The following DMD variants were observed in gnomAD, a reference collection of about 807,000 sequenced individuals.
The protein encoded by DMD is mutant dystrophin.
DMD carries 63 observed loss-of-function variants against 330.1 expected under a neutral mutation model. That is an observed-to-expected ratio of 0.19 (90% confidence interval 0.16 to 0.24). The LOEUF (loss-of-function observed/expected upper bound fraction) is 0.24. DMD is among the 10% of genes least tolerant of loss of function. The pLI, the probability that DMD is intolerant of heterozygous loss-of-function variation, is 1.00. For synonymous variants in DMD, 1,223 were observed against 959.8 expected (o/e 1.27, Z -5.07); for missense variants, 3,344 against 2,684.1 (o/e 1.25, Z -5.43).
intron 45 of DMD, among the ~76,000 whole-genome samples, chrX:31,964,772 A>C (rs1383665377): frequency 9.0e-6 from 1 of 110,783 alleles, no homozygotes; most frequent in African/African-American, 3.3e-5. Context: ...CAATTGTTTC[A>C]ATTTTTCTAT....
chrX:31,515,201 T>G (rs2072069083), intron 55 of DMD, among the ~76,000 whole-genome samples: 1 of 111,733 alleles, frequency 8.9e-6, no homozygotes, highest in African/African-American at 3.2e-5. Context: ...CTTCTTTTTA[T>G]TATTAACCAT....
At chrX:32,218,039 T>C (rs996605782) in intron 43 of DMD, among the ~76,000 whole-genome samples, 2 of 111,579 alleles carry the variant, frequency 1.8e-5, no homozygotes, top group African/African-American at 6.5e-5. Flanking sequence ...ATACTACACA[T>C]GGAAAGAATA....
At chrX:32,435,467 C>G (rs6631579) in intron 29 of DMD, among the ~76,000 whole-genome samples, 31,426 of 105,734 alleles carry the variant, frequency 0.3, 4,074 homozygotes, top group East Asian at 0.75. Flanking sequence ...ATATTTTGCT[C>G]ACAAAAAAAA....
chrX:31,665,624 C>T lies in DMD; in HGVS notation c.7873-7480G>A, dbSNP rs139408444. Among the ~76,000 whole-genome samples, 983 of 111,457 alleles carry T rather than the reference C, an allele frequency of 8.8e-3. 7 individuals are homozygous for T. Among genetic ancestry groups the T allele is most frequent in the Non-Finnish European group, 0.014 (724 of 52,961 alleles). On this transcript the variant is annotated intron_variant, in intron 53 of 78. Coordinates refer to ENST00000357033, the MANE Select transcript of DMD (RefSeq NM_004006.3). ...ATTTAAGAAAATGGCCCTCATTTTC[C>T]GGCTTACTGAAAATGATTAATCTTT...
intron 2 of DMD, among the ~76,000 whole-genome samples, chrX:32,938,125 T>C (rs1423388911): frequency 3.6e-5 from 4 of 111,640 alleles, no homozygotes; most frequent in Non-Finnish European, 7.5e-5. Context: ...CGAAAACTAC[T>C]GATCTTTCCA....
intron 59 of DMD, among the ~76,000 whole-genome samples, chrX:31,448,109 T>G (rs1318754547): frequency 9.1e-6 from 1 of 110,154 alleles, no homozygotes; most frequent in Non-Finnish European, 1.9e-5. Context: ...AAGCTTTGAC[T>G]GGTGTGAGGT....
intron 44 of DMD, among the ~76,000 whole-genome samples, chrX:32,081,246 T>C (rs1367591530): frequency 8.9e-6 from 1 of 112,152 alleles, no homozygotes; most frequent in Non-Finnish European, 1.9e-5. Context: ...CATGACGAAA[T>C]TGGCTTCTCA....
At position 33,110,456 on chromosome X, in the gene DMD, T is replaced by C. The variant is rs1222449328; in HGVS notation, c.32-90256A>G. Among the ~76,000 whole-genome samples the C allele has an allele frequency of 7.2e-5, 8 of 111,332 alleles. No individual in the cohort carries two copies. The Admixed American group carries it at 7.8e-4, about 11-fold the overall frequency. ...TATTATATGCTATTAATACATTAGT[T>C]ATAAGCATAATAATTAATACAAATT... On this transcript the variant is annotated intron_variant, in intron 1 of 78. Coordinates refer to ENST00000357033, the MANE Select transcript of DMD (RefSeq NM_004006.3).
chrX:31,343,912 G>C lies in DMD; in HGVS notation c.9163+4644C>G, dbSNP rs768808697. Among the ~76,000 whole-genome samples, 9 of 109,758 alleles carry C rather than the reference G, an allele frequency of 8.2e-5. No homozygotes were observed. In the South Asian group the frequency reaches 3.6e-3, roughly 43 times the overall value. Reference sequence around the variant, plus strand: ...TTAAAACATATTTTTATTCATTGGTGGGGGGAAGCTGCTTTTATAGTAGCA... The same window carrying C: ...TTAAAACATATTTTTATTCATTGGTCGGGGGAAGCTGCTTTTATAGTAGCA... On this transcript the variant is annotated intron_variant, in intron 61 of 78. Transcript: ENST00000357033.
chrX:31,321,451 G>A (rs1237111291), intron 62 of DMD, among the ~76,000 whole-genome samples: 1 of 107,844 alleles, frequency 9.3e-6, no homozygotes, highest in Non-Finnish European at 1.9e-5. Context: ...CAAGCATGGT[G>A]GCAGGTGCCT....
chrX:32,236,945 A>G (rs765200713), intron 43 of DMD, among the ~76,000 whole-genome samples: 1 of 112,142 alleles, frequency 8.9e-6, no homozygotes, highest in African/African-American at 3.2e-5. Context: ...ATTGATAGGT[A>G]AATATTTTTC....
chrX:32,002,454 T>A (rs930683405), intron 44 of DMD, among the ~76,000 whole-genome samples: 1 of 111,624 alleles, frequency 9.0e-6, no homozygotes, highest in Non-Finnish European at 1.9e-5. Flanking sequence ...CTCACCAAGG[T>A]TATGAAGGTA....
At chrX:32,714,648 C>T (rs936927890) in intron 7 of DMD, among the ~76,000 whole-genome samples, 2 of 111,556 alleles carry the variant, frequency 1.8e-5, no homozygotes, top group Non-Finnish European at 3.8e-5. Context: ...TTTCAATGTA[C>T]AAACTAACTT....
chrX:31,732,240 A>T (rs1418306556), intron 51 of DMD, among the ~76,000 whole-genome samples: 1 of 111,832 alleles, frequency 8.9e-6, no homozygotes, highest in African/African-American at 3.2e-5. Flanking sequence ...CAACACATAC[A>T]AACATTCATT....
intron 9 of DMD, among the ~76,000 whole-genome samples, chrX:32,686,782 A>C (rs2062916813): frequency 9.0e-6 from 1 of 111,031 alleles, no homozygotes; most frequent in Admixed American, 9.7e-5. Context: ...GCAAAAAAGA[A>C]AATCAAATTA....
At chrX:31,180,656 C>T (rs1602435755) in intron 68 of DMD, among the ~76,000 whole-genome samples, 175 bp from the exon 69 acceptor site, 1 of 111,713 alleles carries the variant, frequency 9.0e-6, no homozygotes, top group Admixed American at 9.5e-5. Context: ...GCCTCTCCTA[C>T]AGTACCAAAA....
At chrX:31,608,728 G>C (rs776271197) in intron 55 of DMD, among the ~76,000 whole-genome samples, 1 of 111,228 alleles carries the variant, frequency 9.0e-6, no homozygotes, top group Admixed American at 9.6e-5. Context: ...AATGATAGCA[G>C]AAGCACAAAC....
chrX:32,378,300 A>T (rs930016601), intron 34 of DMD, among the ~76,000 whole-genome samples: 41 of 109,697 alleles, frequency 3.7e-4, no homozygotes, highest in Non-Finnish European at 5.9e-4. Context: ...ATTTTTTATT[A>T]TTTATCTACT....
intron 60 of DMD, among the ~76,000 whole-genome samples, chrX:31,363,390 T>TTTTTA (rs1236870796): frequency 4.5e-5 from 4 of 89,299 alleles, no homozygotes; most frequent in African/African-American, 1.3e-4. Context: ...TTTTTTTTTT[T>TTTTTA]TTTTTTTTTG....
Sources: allele counts gnomAD v4.1 joint callset (sites outside exome capture counted in the v4.1 genomes callset), GRCh38; gene constraint gnomAD v4.1.1; transcripts MANE v1.5; gene names NCBI Gene and HGNC (gene_info 2026-07-23, HGNC 2026-07-21).